Variants in CACNA1C observed in about 807,000 individuals in gnomAD.
CACNA1C encodes voltage-dependent L-type calcium channel subunit alpha-1C.
A neutral mutation model predicts 229.0 loss-of-function variants in CACNA1C; 30 were observed. The observed-to-expected ratio is 0.13, with a 90% CI of 0.10 to 0.18. CACNA1C has a LOEUF of 0.18. Ranked by LOEUF, CACNA1C falls within the 10% of genes least tolerant of loss-of-function variation. The pLI is 1.00. For synonymous variants in CACNA1C, 1,114 were observed against 1,132.5 expected, an observed-to-expected ratio of 0.98 and a Z score of 0.33; for missense variants, 1,658 against 2,845.0, an observed-to-expected ratio of 0.58 and a Z score of 9.49.
chr12:2,487,544 C>A (rs1289933723), intron 6 of CACNA1C, among the ~76,000 whole-genome samples: 3 of 151,134 alleles, frequency 2.0e-5, no homozygotes, highest in African/African-American at 7.3e-5. Flanking sequence ...ACCACACACA[C>A]AAAACGTATA....
chr12:2,113,176 T>C (rs1160429564), intron 1 of CACNA1C, among the ~76,000 whole-genome samples: 1 of 152,166 alleles, frequency 6.6e-6, no homozygotes, highest in Non-Finnish European at 1.5e-5. Context: ...AAGGGCTAAC[T>C]TCAGGTGTGG....
At chr12:2,552,153 G>A (rs2041633882) in intron 10 of CACNA1C, among the ~76,000 whole-genome samples, 1 of 152,206 alleles carries the variant, frequency 6.6e-6, no homozygotes, top group African/African-American at 2.4e-5. Context: ...AGCCGCGGGA[G>A]GAGGAATTTC....
chr12:2,606,969 C>G lies in CACNA1C; in HGVS notation c.3210-15C>G. ...TGGGAGATCCCAGAGTAAACTCCTT[C>G]TCCTCCTCTCTCAGGGGCAACTACA... On this transcript the variant is annotated splice_polypyrimidine_tract_variant and intron_variant, in intron 25 of 46. Coordinates refer to ENST00000399655, the MANE Select transcript of CACNA1C (RefSeq NM_000719.7). 6.2e-7 allele frequency: 1 copy of G among 1,612,742 alleles called. No homozygotes were observed. Among genetic ancestry groups the G allele is most frequent in the South Asian group, 1.1e-5 (1 of 91,018 alleles).
chr12:2,022,463 C>CT (rs71057815), intron 1 of CACNA1C, among the ~76,000 whole-genome samples: 4,480 of 133,584 alleles, frequency 0.034, 103 homozygotes, highest in Middle Eastern at 0.053. Context: ...CCCTAAGGAA[C>CT]TTTTTTTTTT....
In CACNA1C at chr12:2,538,916, G is replaced by C. The variant is rs960292065; in HGVS notation, c.1391-11027G>C. ...AGTTGCTCAGGTCTATTCTGCGGTGGGGCTGGAGCAACCCTGCTACAGGCC... is the reference window on the plus strand; with the variant it reads ...AGTTGCTCAGGTCTATTCTGCGGTGCGGCTGGAGCAACCCTGCTACAGGCC... On this transcript the variant is annotated intron_variant, in intron 9 of 46. Coordinates refer to ENST00000399655, the MANE Select transcript of CACNA1C (RefSeq NM_000719.7). Among the ~76,000 whole-genome samples the C allele has an allele frequency of 2.0e-5, 3 of 152,288 alleles. 1 individual carries two copies.
intron 3 of CACNA1C, among the ~76,000 whole-genome samples, chr12:2,278,772 T>C (rs924028409): frequency 6.6e-6 from 1 of 152,230 alleles, no homozygotes; most frequent in African/African-American, 2.4e-5. Flanking sequence ...TTACATCATG[T>C]GGTAGTGTAC....
At chr12:2,167,000 G>A (rs546400328) in intron 3 of CACNA1C, among the ~76,000 whole-genome samples, 1 of 152,304 alleles carries the variant, frequency 6.6e-6, no homozygotes, top group South Asian at 2.1e-4. Flanking sequence ...GTAGAAAAGG[G>A]CGACCCATGA....
chr12:2,178,211 C>T (rs1008100974), intron 3 of CACNA1C, among the ~76,000 whole-genome samples: 8 of 152,268 alleles, frequency 5.3e-5, no homozygotes, highest in East Asian at 1.9e-4. Flanking sequence ...AATGGGTATC[C>T]GTCCTTGGTA....
chr12:2,335,824 T>C (rs1230742088), intron 3 of CACNA1C, among the ~76,000 whole-genome samples: 2 of 152,102 alleles, frequency 1.3e-5, no homozygotes, highest in East Asian at 3.9e-4. Flanking sequence ...ATGAAGAAAG[T>C]TGTTGTGACT....
chr12:2,361,722 C>A (rs1044206889), intron 3 of CACNA1C, among the ~76,000 whole-genome samples: 3 of 152,220 alleles, frequency 2.0e-5, no homozygotes, highest in African/African-American at 7.2e-5. Flanking sequence ...CCACTATTAT[C>A]TTTTGTTTTA....
intron 3 of CACNA1C, among the ~76,000 whole-genome samples, chr12:2,226,282 T>A (rs2063005025): frequency 6.6e-6 from 1 of 152,186 alleles, no homozygotes; most frequent in Non-Finnish European, 1.5e-5. Flanking sequence ...TGATCTCATT[T>A]GACATAAAAA....
Position 2,232,929 on chromosome 12 carries a change from C to T in CACNA1C, c.477+112499C>T, listed in dbSNP as rs147859468. Among the ~76,000 whole-genome samples, 17 of 152,166 alleles carry T rather than the reference C, an allele frequency of 1.1e-4. No homozygotes were observed. In the East Asian group the frequency reaches 1.9e-3, roughly 17 times the overall value. On this transcript the variant is annotated intron_variant, in intron 3 of 46. Transcript: ENST00000399655. ...TTGGCTTCTGTGCCTCTTGACATAC[C>T]CCCAACCTTTCTCAAGTGTTTTCTT...
chr12:2,377,928 C>A, intron 3 of CACNA1C, among the ~76,000 whole-genome samples: 1 of 152,126 alleles, frequency 6.6e-6, no homozygotes, highest in East Asian at 1.9e-4. Flanking sequence ...GGCCTGAGTG[C>A]TCCCGTAAGC....
intron 30 of CACNA1C, among the ~76,000 whole-genome samples, chr12:2,645,136 C>T (rs2094197242): frequency 6.6e-6 from 1 of 152,322 alleles, no homozygotes; most frequent in Non-Finnish European, 1.5e-5. Context: ...AATTTCTCCA[C>T]GCCTACCATT....
intron 3 of CACNA1C, among the ~76,000 whole-genome samples, chr12:2,223,982 C>T (rs770425639): frequency 4.6e-5 from 7 of 152,122 alleles, no homozygotes; most frequent in Admixed American, 1.3e-4. Context: ...AAAATCCCAT[C>T]GGAGTTTAAA....
chr12:1,993,298 G>C (rs771948433), intron 1 of CACNA1C: 2 of 1,614,114 alleles, frequency 1.2e-6, no homozygotes, highest in South Asian at 2.2e-5. Context: ...AAGGGTCCTG[G>C]AGTTGGAAAT....
At chr12:2,358,569 G>A (rs934751564) in intron 3 of CACNA1C, among the ~76,000 whole-genome samples, 1 of 152,110 alleles carries the variant, frequency 6.6e-6, no homozygotes, top group East Asian at 1.9e-4. Context: ...TGCCAATTCT[G>A]TTGGGAAGAC....
chr12:2,553,100 A>G (rs1435904352), intron 10 of CACNA1C, among the ~76,000 whole-genome samples: 1 of 152,156 alleles, frequency 6.6e-6, no homozygotes, highest in Non-Finnish European at 1.5e-5. Flanking sequence ...ATGAAAGAAG[A>G]GGAGTCCCAG....
chr12:1,976,777 G>A (rs556656210), intron 1 of CACNA1C, among the ~76,000 whole-genome samples: 45 of 146,564 alleles, frequency 3.1e-4, no homozygotes, highest in African/African-American at 7.5e-4. Context: ...GTGAAAAAGT[G>A]CAAAGCATAG....
Sources: gnomAD v4.1 joint callset for allele counts (sites outside exome capture counted in the v4.1 genomes callset) on GRCh38, gnomAD v4.1.1 for gene constraint, MANE v1.5 for transcripts, NCBI Gene and HGNC (gene_info 2026-07-23, HGNC 2026-07-21) for gene names.